Variants in PARD3B observed in about 807,000 individuals in gnomAD.
PARD3B encodes par-3 family cell polarity regulator beta, also known as partitioning defective 3 homolog B.
In PARD3B, 103 loss-of-function variants were observed where a neutral mutation model predicts 130.2. The observed-to-expected ratio is 0.79, with a 90% confidence interval of 0.67 to 0.93. PARD3B has a LOEUF of 0.93. PARD3B is among the 40% of genes least tolerant of loss of function. PARD3B has a pLI of 0.00. For missense variants in PARD3B, 1,609 were observed against 1,499.2 expected (o/e 1.07, Z -1.21); for synonymous variants, 583 against 553.2 (o/e 1.05, Z -0.76).
At chr2:204,732,836 A>C (rs1444959125) in intron 2 of PARD3B, among the ~76,000 whole-genome samples, 1 of 152,182 alleles carries the variant, frequency 6.6e-6, no homozygotes. Context: ...TTTTGGAGAA[A>C]AATGCCTGAT....
intron 2 of PARD3B, among the ~76,000 whole-genome samples, chr2:204,897,914 G>A (rs2046700937): frequency 6.6e-6 from 1 of 151,494 alleles, no homozygotes; most frequent in Non-Finnish European, 1.5e-5. Flanking sequence ...ATAGGCCTTG[G>A]TTGAGTCAAC....
In PARD3B at chr2:205,487,062, T is replaced by C. The variant is rs73058145; in HGVS notation, c.3045-12834T>C. Among the ~76,000 whole-genome samples the C allele has an allele frequency of 5.1e-3, 777 of 152,306 alleles. 6 individuals are homozygous for C. Among genetic ancestry groups the C allele is most frequent in the African/African-American group, 0.018 (740 of 41,572 alleles). On this transcript the variant is annotated intron_variant, in intron 20 of 22. Coordinates refer to ENST00000406610, the MANE Select transcript of PARD3B (RefSeq NM_001302769.2). ...TATTACATAGCACGATTTAACACCA[T>C]ATGTGATCATTAAGATTGGCCTCAT... is the stretch of plus-strand genomic sequence containing the variant.
In PARD3B at chr2:204,765,169, C is replaced by T. The variant is rs187361567; in HGVS notation, c.222+78887C>T. 2.7e-3 allele frequency among the ~76,000 whole-genome samples: 407 copies of T among 152,278 alleles called. 1 individual carries two copies. The highest frequency in any genetic ancestry group is 9.6e-3 in the African/African-American group (400 of 41,554). ...AACAGAGGTCAGTACATTTGTTTCA[C>T]TGAGCAGATGGTGACTGCACTTGTT... On this transcript the variant is annotated intron_variant, in intron 2 of 22. Coordinates refer to ENST00000406610, the MANE Select transcript of PARD3B (RefSeq NM_001302769.2).
rs923629704 is a variant in PARD3B at position 205,463,728 on chromosome 2, G to A, written c.3044+23056G>A. ...ATGTTTATAGGCCAGTCACTTGCAC[G>A]CTGAGACTGAAATCCTGAAAGATTG... On this transcript the variant is annotated intron_variant, in intron 20 of 22. Transcript: ENST00000406610. The surrounding 1 kb of genome is among the most constrained non-coding windows in gnomAD (Gnocchi z 4.8). Among the ~76,000 whole-genome samples the A allele has an allele frequency of 1.1e-4, 16 of 152,158 alleles. No individual in the cohort carries two copies. The highest frequency in any genetic ancestry group is 3.1e-4 in the African/African-American group (13 of 41,446).
intron 22 of PARD3B, among the ~76,000 whole-genome samples, chr2:205,566,488 G>C (rs952041961): frequency 2.0e-5 from 3 of 152,164 alleles, no homozygotes; most frequent in African/African-American, 7.2e-5. Flanking sequence ...GTTAAGAATG[G>C]ATCCACACAC....
At chr2:204,962,325 G>T (rs923783297) in intron 2 of PARD3B, among the ~76,000 whole-genome samples, 1 of 152,150 alleles carries the variant, frequency 6.6e-6, no homozygotes, top group Non-Finnish European at 1.5e-5. Context: ...TTTGTATTGT[G>T]TAGGGTGTGG....
intron 19 of PARD3B, among the ~76,000 whole-genome samples, chr2:205,431,671 A>T (rs943247839): frequency 6.6e-6 from 1 of 151,524 alleles, no homozygotes; most frequent in Non-Finnish European, 1.5e-5. Context: ...GGGTTTCACT[A>T]TGTTGGCCAG....
At chr2:205,531,531 A>G (rs2051594322) in intron 21 of PARD3B, among the ~76,000 whole-genome samples, 1 of 152,076 alleles carries the variant, frequency 6.6e-6, no homozygotes, top group African/African-American at 2.4e-5. Flanking sequence ...GTTTCCCTCC[A>G]TGGATAAGAG....
At chr2:205,611,951 G>C (rs2055246033) in intron 22 of PARD3B, among the ~76,000 whole-genome samples, 1 of 152,152 alleles carries the variant, frequency 6.6e-6, no homozygotes, top group East Asian at 1.9e-4. Flanking sequence ...CTCAGGGTTG[G>C]CTCAAAGCAC....
intron 2 of PARD3B, among the ~76,000 whole-genome samples, chr2:204,851,567 A>G (rs2044707832): frequency 6.6e-6 from 1 of 152,200 alleles, no homozygotes; most frequent in Non-Finnish European, 1.5e-5. Flanking sequence ...TGCTGTGACT[A>G]TCCAACTGTA....
At position 205,230,581 on chromosome 2, in the gene PARD3B, C is replaced by G. The variant is rs138895239; in HGVS notation, c.2141-15197C>G. Among the ~76,000 whole-genome samples, 279 of 152,262 alleles carry G rather than the reference C, an allele frequency of 1.8e-3. No individual in the cohort carries two copies. The highest frequency in any genetic ancestry group is 6.6e-3 in the African/African-American group (274 of 41,538). ...CAGGAGTCTCTCCTGGAGCCGTGAG[C>G]TGCACTGCCTGGGGTTGGGGGAGGA... On this transcript the variant is annotated intron_variant, in intron 15 of 22. Transcript: ENST00000406610. The surrounding 1 kb of genome is among the most constrained non-coding windows in gnomAD (Gnocchi z 4.1).
chr2:205,112,772 G>C (rs1703731413), intron 5 of PARD3B, among the ~76,000 whole-genome samples: 1 of 152,002 alleles, frequency 6.6e-6, no homozygotes, highest in African/African-American at 2.4e-5. Flanking sequence ...GTTTCTAGCT[G>C]ATCCTTTCCT....
At chr2:204,938,743 A>G (rs189515825) in intron 2 of PARD3B, among the ~76,000 whole-genome samples, 53 of 152,330 alleles carry the variant, frequency 3.5e-4, no homozygotes, top group African/African-American at 1.2e-3. Context: ...AACATTCTTC[A>G]GATGATTCTG....
intron 2 of PARD3B, among the ~76,000 whole-genome samples, chr2:204,880,351 T>C (rs967838610): frequency 6.6e-6 from 1 of 152,120 alleles, no homozygotes; most frequent in African/African-American, 2.4e-5. Context: ...CATGCATATA[T>C]GTACATGCAG....
Position 205,463,100 on chromosome 2 carries a change from C to T in PARD3B, c.3044+22428C>T, listed in dbSNP as rs1042450918. 6.6e-6 allele frequency among the ~76,000 whole-genome samples: 1 copy of T among 152,060 alleles called. No individual in the cohort carries two copies. The highest frequency in any genetic ancestry group is 1.5e-5 in the Non-Finnish European group (1 of 68,008). ...TTTGCCCTCAATATCCTTCCCTGCC[C>T]CCTTATTTGGTTTGAACTGACTCAC... is the stretch of plus-strand genomic sequence containing the variant. On this transcript the variant is annotated intron_variant, in intron 20 of 22. Transcript: ENST00000406610. The surrounding 1 kb of genome is among the most constrained non-coding windows in gnomAD (Gnocchi z 4.8).
intron 15 of PARD3B, among the ~76,000 whole-genome samples, chr2:205,214,067 T>A (rs2037785918): frequency 6.6e-6 from 1 of 152,138 alleles, no homozygotes; most frequent in African/African-American, 2.4e-5. Context: ...TATTCCTCTG[T>A]ATCTTCCTTT....
intron 1 of PARD3B, among the ~76,000 whole-genome samples, chr2:204,642,774 C>T (rs1193162101): frequency 6.6e-6 from 1 of 151,746 alleles, no homozygotes. Flanking sequence ...CAGACTTCCC[C>T]CTTGCTGTTC....
In PARD3B at chr2:205,015,611, A is replaced by T. The variant is rs1696086049; in HGVS notation, c.395-31970A>T. On this transcript the variant is annotated intron_variant, in intron 3 of 22. Transcript: ENST00000406610. This position sits in a 1 kb window ranked among gnomAD's most constrained non-coding sequence, Gnocchi z 4.5. ...AATGAAATGAATGAATCAATGAATG[A>T]GTAAATTGGAGGATGTAATAAAGGT... 6.6e-6 allele frequency among the ~76,000 whole-genome samples: 1 copy of T among 152,210 alleles called. No homozygotes were observed. Among genetic ancestry groups the T allele is most frequent in the African/African-American group, 2.4e-5 (1 of 41,458 alleles).
In PARD3B at chr2:205,406,014, C is replaced by T. The variant is rs544206782; in HGVS notation, c.2741+4891C>T. 2.4e-3 allele frequency among the ~76,000 whole-genome samples: 367 copies of T among 152,298 alleles called. 1 individual carries two copies. Among genetic ancestry groups the T allele is most frequent in the African/African-American group, 7.5e-3 (310 of 41,556 alleles). ...CAACAATAATTCTAATTTTACACTG[C>T]TTAGATCACACCTGGAATATCCCGT... is the stretch of plus-strand genomic sequence containing the variant. On this transcript the variant is annotated intron_variant, in intron 19 of 22. Transcript: ENST00000406610.
Sources: gnomAD v4.1 joint callset for allele counts (sites outside exome capture counted in the v4.1 genomes callset) on GRCh38, gnomAD v4.1.1 for gene constraint, Gnocchi (gnomAD v3.1) non-coding constraint, MANE v1.5 for transcripts, NCBI Gene and HGNC (gene_info 2026-07-23, HGNC 2026-07-21) for gene names.